The following CASR variants were observed in gnomAD, a reference collection of about 807,000 sequenced individuals.
CASR encodes calcium sensing receptor.
CASR carries 23 observed loss-of-function variants against 69.1 expected under a neutral mutation model. The ratio of observed to expected loss-of-function variants is 0.33; its 90% CI spans 0.24 to 0.47. The LOEUF is 0.47. CASR is among the 20% of genes least tolerant of loss of function. CASR has a pLI of 1.00. For synonymous variants in CASR, 541 were observed against 544.7 expected (o/e 0.99, Z 0.10); for missense variants, 924 against 1,356.1 (o/e 0.68, Z 5.00).
intron 4 of CASR, among the ~76,000 whole-genome samples, chr3:122,272,365 T>A (rs2074770212): frequency 6.6e-6 from 1 of 152,224 alleles, no homozygotes; most frequent in Non-Finnish European, 1.5e-5. Flanking sequence ...CCCCTTGTTC[T>A]CTAGTACATA....
At chr3:122,273,420 T>C (rs1163529690) in intron 4 of CASR, among the ~76,000 whole-genome samples, 4 of 152,196 alleles carry the variant, frequency 2.6e-5, no homozygotes, top group Non-Finnish European at 5.9e-5. Flanking sequence ...TGATATAGTA[T>C]GTATTAAGTA....
chr3:122,261,952 C>T lies in CASR; in HGVS notation c.917C>T (p.Ala306Val). 6.2e-7 allele frequency: 1 copy of T among 1,614,162 alleles called. No homozygotes were observed. Among genetic ancestry groups the T allele is most frequent in the Non-Finnish European group, 8.5e-7 (1 of 1,179,976 alleles). The change falls in exon 4 of 7, where the codon GCC (alanine) becomes GTC (valine). Residue 306 changes from alanine to valine, a missense_variant. Physicochemically the swap from Ala to Val is moderately conservative, Grantham distance 64. Around this residue, in one of 8 missense-constraint regions of CASR, gnomAD observed 310 missense variants for 395.7 expected, o/e 0.78. Transcript: ENST00000639785. ...GCCTGGGCCAGCTCCTCCCTGATCG[C>T]CATGCCTCAGTACTTCCACGTGGTT... ...SEAWASSSLI[A>V]MPQYFHVVGG...
intron 4 of CASR, among the ~76,000 whole-genome samples, chr3:122,273,344 C>T (rs2074780119): frequency 6.6e-6 from 1 of 152,128 alleles, no homozygotes; most frequent in South Asian, 2.1e-4. Flanking sequence ...TCTATGCCTC[C>T]GTTTCATCAT....
chr3:122,184,403 C>T (rs2073754625), intron 1 of CASR: 1 of 152,646 alleles, frequency 6.6e-6, no homozygotes, highest in Admixed American at 6.5e-5. Flanking sequence ...TCTCCAAGAC[C>T]GTGACCTTGG....
At chr3:122,271,469 C>T (rs1433038294) in intron 4 of CASR, among the ~76,000 whole-genome samples, 3 of 152,192 alleles carry the variant, frequency 2.0e-5, no homozygotes, top group South Asian at 2.1e-4. Flanking sequence ...TTACTCAACT[C>T]GCTACACCAA....
Position 122,254,161 on chromosome 3 carries a change from A to C in CASR, c.-29A>C. 1 of 1,610,846 alleles carries C rather than the reference A, an allele frequency of 6.2e-7. No homozygotes were observed. The highest frequency in any genetic ancestry group is 8.5e-7 in the Non-Finnish European group (1 of 1,178,784). The stretch of plus-strand genomic sequence containing the variant: ...GAGCCTCCAAACTCCTAGCTGTCTC[A>C]TCCCTTGCCCTGGAGAGACGGCAGA... On this transcript the variant is annotated 5_prime_UTR_variant, in exon 2 of 7. Transcript: ENST00000639785.
intron 4 of CASR, among the ~76,000 whole-genome samples, chr3:122,268,052 T>C (rs2074714071): frequency 1.3e-5 from 2 of 152,176 alleles, no homozygotes; most frequent in African/African-American, 4.8e-5. Flanking sequence ...TGGTTAACAG[T>C]TTGGAATCTC....
chr3:122,186,698 C>T (rs1444748794), intron 1 of CASR, among the ~76,000 whole-genome samples: 2 of 152,174 alleles, frequency 1.3e-5, no homozygotes, highest in East Asian at 3.8e-4. Flanking sequence ...AGGGTGTATA[C>T]AGACTGAACT....
chr3:122,233,130 C>G (rs2074295367), intron 1 of CASR, among the ~76,000 whole-genome samples: 1 of 152,180 alleles, frequency 6.6e-6, no homozygotes, highest in Non-Finnish European at 1.5e-5. Flanking sequence ...GATATGGAAT[C>G]ATAGAATTTA....
intron 4 of CASR, among the ~76,000 whole-genome samples, chr3:122,275,410 C>A (rs375111258): frequency 6.6e-6 from 1 of 152,204 alleles, no homozygotes; most frequent in Non-Finnish European, 1.5e-5. Flanking sequence ...AGTCATTTCT[C>A]CTGTCCTTCC....
Position 122,284,933 on chromosome 3 carries a change from G to A in CASR, c.2979G>A (p.Thr993=), listed in dbSNP as rs917914806. Residue 993 remains threonine (T), a synonymous_variant, in exon 7 of 7, where the codon ACG becomes ACA. Coordinates refer to ENST00000639785, the MANE Select transcript of CASR (RefSeq NM_000388.4). ...QKNAMAHRNS[T]HQNSLEAQKS... ...ACGCCATGGCCCACAGGAATTCTAC[G>A]CACCAGAACTCCCTGGAGGCCCAGA... 6.2e-7 allele frequency: 1 copy of A among 1,614,108 alleles called. No individual in the cohort carries two copies. The highest frequency in any genetic ancestry group is 8.5e-7 in the Non-Finnish European group (1 of 1,180,004).
At position 122,262,713 on chromosome 3, in the gene CASR, G is replaced by C. The variant is rs547899753; in HGVS notation, c.1377+301G>C. Among the ~76,000 whole-genome samples the C allele has an allele frequency of 5.9e-5, 9 of 152,242 alleles. No homozygotes were observed. In the South Asian group the frequency reaches 1.5e-3, roughly 25 times the overall value. ...CCCAGAACAGATTTAGTAATGAGTG[G>C]GGTATTTTTCTAATGTCTAAATTAT... On this transcript the variant is annotated intron_variant, in intron 4 of 6. Coordinates refer to ENST00000639785, the MANE Select transcript of CASR (RefSeq NM_000388.4).
chr3:122,222,187 G>T (rs1174832081), intron 1 of CASR, among the ~76,000 whole-genome samples: 3 of 152,112 alleles, frequency 2.0e-5, no homozygotes, highest in Admixed American at 1.3e-4. Context: ...CCCTTGGGAG[G>T]GTCCATTCCT....
rs367727050 is a variant in CASR, at chr3:122,187,034, A to G, written c.-243+3222A>G. ...AAATGTTTCAATTAACTTTATGCTT[A>G]TCCACTTATTTTATTGTGTACAATA... On this transcript the variant is annotated intron_variant, in intron 1 of 6. Coordinates refer to ENST00000639785, the MANE Select transcript of CASR (RefSeq NM_000388.4). Among the ~76,000 whole-genome samples the G allele has an allele frequency of 2.0e-4, 31 of 152,342 alleles. No homozygotes were observed. In the East Asian group the frequency reaches 5.8e-3, roughly 28 times the overall value.
At chr3:122,195,147 T>G (rs2073876993) in intron 1 of CASR, among the ~76,000 whole-genome samples, 1 of 152,196 alleles carries the variant, frequency 6.6e-6, no homozygotes, top group Non-Finnish European at 1.5e-5. Context: ...AACACTCAAC[T>G]TACACATCCC....
chr3:122,200,207 G>A (rs887640393), intron 1 of CASR, among the ~76,000 whole-genome samples: 3 of 152,130 alleles, frequency 2.0e-5, no homozygotes, highest in Middle Eastern at 3.2e-3. Flanking sequence ...ACACCTGGTC[G>A]AAGAGCAGAT....
chr3:122,223,396 A>T (rs1056373701), intron 1 of CASR, among the ~76,000 whole-genome samples: 1 of 152,166 alleles, frequency 6.6e-6, no homozygotes, highest in African/African-American at 2.4e-5. Context: ...ACATACAAAA[A>T]ATCCTTAGCG....
chr3:122,192,518 T>C (rs573133537), intron 1 of CASR, among the ~76,000 whole-genome samples: 2 of 152,350 alleles, frequency 1.3e-5, no homozygotes, highest in African/African-American at 4.8e-5. Flanking sequence ...TTAATCCCTT[T>C]CCACAGTTTT....
Position 122,194,355 on chromosome 3 carries a change from C to T in CASR, c.-243+10543C>T, listed in dbSNP as rs145951883. On this transcript the variant is annotated intron_variant, in intron 1 of 6. Transcript: ENST00000639785. ...ATTTAGAGCTCCTTGAAAACAGGGC[C>T]GATCTCATGCATCTCTGGGTCCCCC... Among the ~76,000 whole-genome samples the T allele has an allele frequency of 5.4e-4, 82 of 152,184 alleles. 1 individual carries two copies. Among genetic ancestry groups the T allele is most frequent in the Middle Eastern group, 3.4e-3 (1 of 292 alleles).
Sources: allele counts gnomAD v4.1 joint callset (sites outside exome capture counted in the v4.1 genomes callset), GRCh38; gene constraint gnomAD v4.1.1; regional missense constraint gnomAD v4.1.1; transcripts MANE v1.5; gene names NCBI Gene and HGNC (gene_info 2026-07-23, HGNC 2026-07-21).